PAM: variants seen among roughly 807,000 people sequenced by gnomAD.
PAM encodes the protein peptidyl-glycine alpha-amidating monooxygenase.
A neutral mutation model predicts 122.1 loss-of-function variants in PAM; 72 were observed. The observed-to-expected ratio is 0.59, with a 90% CI of 0.49 to 0.72. The LOEUF is 0.72. Among genes scored for constraint, PAM ranks in the 30% least tolerant of loss-of-function variants. The probability of loss-of-function intolerance (pLI) is 0.00; values close to 1 mark genes in which losing one functional copy is unlikely to be tolerated. For synonymous variants in PAM, 389 were observed against 404.4 expected (o/e 0.96, Z 0.46); for missense variants, 1,106 against 1,183.7 (o/e 0.93, Z 0.96).
intron 1 of PAM, among the ~76,000 whole-genome samples, chr5:102,847,787 A>C (rs1006657687): frequency 3.3e-5 from 5 of 152,288 alleles, no homozygotes; most frequent in African/African-American, 1.2e-4. Context: ...AAGAAACTCA[A>C]TTAAAACTGA....
intron 3 of PAM, among the ~76,000 whole-genome samples, chr5:102,883,184 T>TA (rs1791861939): frequency 6.6e-6 from 1 of 152,038 alleles, no homozygotes; most frequent in Non-Finnish European, 1.5e-5. Context: ...TTGCATGGTC[T>TA]TGTTTTGGCT....
intron 1 of PAM, among the ~76,000 whole-genome samples, chr5:102,821,344 A>C (rs1771829560): frequency 6.6e-6 from 1 of 152,134 alleles, no homozygotes; most frequent in Non-Finnish European, 1.5e-5. Flanking sequence ...AGAAAGGAGA[A>C]CGTTCCCCAC....
chr5:102,937,064 G>A (rs1753504973), intron 7 of PAM, among the ~76,000 whole-genome samples: 1 of 152,076 alleles, frequency 6.6e-6, no homozygotes, highest in Non-Finnish European at 1.5e-5. Context: ...GGTTATTCTA[G>A]CACTTTATTT....
intron 1 of PAM, among the ~76,000 whole-genome samples, chr5:102,816,003 A>G (rs1467008618): frequency 6.6e-6 from 1 of 152,172 alleles, no homozygotes; most frequent in South Asian, 2.1e-4. Flanking sequence ...TGTCAAAGAA[A>G]TGTTGGGTTT....
At chr5:102,775,805 G>A (rs1757013946) in intron 1 of PAM, among the ~76,000 whole-genome samples, 1 of 152,098 alleles carries the variant, frequency 6.6e-6, no homozygotes, top group South Asian at 2.1e-4. Context: ...AAACATATGT[G>A]TTCATGTATC....
intron 5 of PAM, 68 bp downstream of exon 5, chr5:102,914,089 G>T (rs1269700944): frequency 5.0e-6 from 4 of 807,456 alleles, no homozygotes; most frequent in South Asian, 1.4e-5. Flanking sequence ...AAGTGTATCT[G>T]TGCAAGTATT....
chr5:102,992,144 G>T (rs1350925186), intron 16 of PAM, among the ~76,000 whole-genome samples: 1 of 152,166 alleles, frequency 6.6e-6, no homozygotes, highest in African/African-American at 2.4e-5. Flanking sequence ...TTATCTGGCT[G>T]TGCTAGCATC....
At chr5:102,894,014 G>C (rs531129073) in intron 3 of PAM, among the ~76,000 whole-genome samples, 51 of 151,656 alleles carry the variant, frequency 3.4e-4, no homozygotes, top group African/African-American at 1.2e-3. Context: ...CCTAGTCCCT[G>C]TGATCATCAC....
intron 21 of PAM, among the ~76,000 whole-genome samples, chr5:103,011,402 T>C (rs529429955): frequency 7.1e-6 from 1 of 140,850 alleles, no homozygotes; most frequent in Non-Finnish European, 1.6e-5. Context: ...ACACACACAC[T>C]CTCTCTCTCT....
Position 103,017,337 on chromosome 5 carries a change from T to G in PAM, c.2335T>G (p.Phe779Val), listed in dbSNP as rs1782316737. ...GTGTAGCTTCTTATTTTGGCAGCAC[T>G]TTGATATGCCTCATGATATTGTTGC... ...IDIFKPVRKH[F>V]DMPHDIVASE... Residue 779 changes from phenylalanine to valine, a missense_variant, in exon 22 of 26, where the codon TTT becomes GTT. By Grantham distance (50) the Phe-to-Val change is conservative. This residue lies in a region of PAM where 333 missense variants were observed against 335.6 expected (regional missense o/e 0.99). Transcript: ENST00000438793. 2.5e-6 allele frequency: 4 copies of G among 1,602,612 alleles called. No individual in the cohort carries two copies. The highest frequency in any genetic ancestry group is 3.4e-6 in the Non-Finnish European group (4 of 1,169,822).
chr5:102,764,429 A>G (rs1472445474), intron 1 of PAM, among the ~76,000 whole-genome samples: 1 of 152,066 alleles, frequency 6.6e-6, no homozygotes, highest in African/African-American at 2.4e-5. Flanking sequence ...ATTTGAGCAA[A>G]AACCCAGATG....
chr5:102,806,872 A>G (rs1766374278), intron 1 of PAM, among the ~76,000 whole-genome samples: 1 of 152,200 alleles, frequency 6.6e-6, no homozygotes, highest in African/African-American at 2.4e-5. Context: ...CAGATTGTAA[A>G]TTGGTGCTAT....
chr5:103,021,780 A>C (rs946092620), intron 23 of PAM, among the ~76,000 whole-genome samples: 7 of 152,168 alleles, frequency 4.6e-5, no homozygotes, highest in Non-Finnish European at 1.0e-4. Context: ...TGTTTTATCA[A>C]TATCTTGAAA....
intron 15 of PAM, among the ~76,000 whole-genome samples, chr5:102,975,237 G>A (rs367603200): frequency 2.6e-4 from 40 of 152,288 alleles, no homozygotes; most frequent in East Asian, 7.7e-4. Flanking sequence ...ACGGATATGC[G>A]TGCATGGCAG....
rs763932104 is a variant in PAM, at chr5:103,025,136, G to C, written c.2491G>C (p.Glu831Gln). Residue 831 changes from glutamate (E) to glutamine (Q), a missense_variant, in exon 24 of 26, where the codon GAG becomes CAG. Physicochemically the swap from Glu to Gln is conservative, Grantham distance 29. Coordinates refer to ENST00000438793, the MANE Select transcript of PAM (RefSeq NM_001177306.2). ...GAACTCTTCTTTCCCTGAAGAAGCC[G>C]AGGCAGTTGTTGAAACCAAAATGGA... is the stretch of plus-strand genomic sequence containing the variant. ...GIEVQEIKEA[E>Q]AVVETKMENK... The C allele has an allele frequency of 6.2e-7, 1 of 1,611,798 alleles. No homozygotes were observed. Among genetic ancestry groups the C allele is most frequent in the East Asian group, 2.2e-5 (1 of 44,872 alleles).
chr5:102,961,713 A>T (rs1762548881), intron 14 of PAM, among the ~76,000 whole-genome samples: 1 of 151,882 alleles, frequency 6.6e-6, no homozygotes, highest in East Asian at 1.9e-4. Context: ...TGTCTTATAC[A>T]TCTATAGTTT....
At chr5:102,774,113 T>C (rs1580886177) in intron 1 of PAM, among the ~76,000 whole-genome samples, 1 of 152,140 alleles carries the variant, frequency 6.6e-6, no homozygotes, top group Non-Finnish European at 1.5e-5. Flanking sequence ...TCCAGTCTGA[T>C]TGATGAACAG....
intron 1 of PAM, among the ~76,000 whole-genome samples, chr5:102,790,755 T>A (rs1761842054): frequency 6.6e-6 from 1 of 152,078 alleles, no homozygotes. Context: ...GTCACATAAT[T>A]TTATTTTTCT....
intron 3 of PAM, among the ~76,000 whole-genome samples, chr5:102,895,237 G>C (rs759204823): frequency 2.6e-5 from 4 of 151,708 alleles, no homozygotes; most frequent in Non-Finnish European, 5.9e-5. Context: ...CCTTGACCTA[G>C]AGCATTTCCT....
Sources: gnomAD v4.1 joint callset for allele counts (sites outside exome capture counted in the v4.1 genomes callset) on GRCh38, gnomAD v4.1.1 for gene constraint, gnomAD v4.1.1 regional missense constraint, MANE v1.5 for transcripts, NCBI Gene and HGNC (gene_info 2026-07-23, HGNC 2026-07-21) for gene names.